Variants in SEMA3A observed in about 807,000 individuals in gnomAD.
SEMA3A encodes the protein semaphorin 3A.
SEMA3A carries 29 observed loss-of-function variants against 97.9 expected under a neutral mutation model. The observed-to-expected ratio is 0.30, with a 90% confidence interval of 0.22 to 0.40. SEMA3A has a LOEUF of 0.40. Among genes scored for constraint, SEMA3A ranks in the 10% least tolerant of loss-of-function variants. The pLI, the probability that SEMA3A is intolerant of heterozygous loss-of-function variation, is 1.00. For synonymous variants in SEMA3A, 321 were observed against 323.7 expected (o/e 0.99, Z 0.09); for missense variants, 763 against 951.3 (o/e 0.80, Z 2.60).
chr7:84,067,079 G>C (rs1793536110), intron 4 of SEMA3A, among the ~76,000 whole-genome samples: 1 of 152,142 alleles, frequency 6.6e-6, no homozygotes, highest in African/African-American at 2.4e-5. Context: ...CAGAGATATA[G>C]ATCAACGGAA....
intron 3 of SEMA3A, among the ~76,000 whole-genome samples, chr7:84,125,299 A>T (rs993667060): frequency 2.0e-5 from 3 of 152,180 alleles, no homozygotes; most frequent in African/African-American, 7.2e-5. Context: ...CAGAATCTTT[A>T]TTACAAGGTG....
chr7:84,303,089 G>A (rs566584304), intron 3 of SEMA3A, among the ~76,000 whole-genome samples: 5 of 152,142 alleles, frequency 3.3e-5, no homozygotes, highest in Non-Finnish European at 7.4e-5. Flanking sequence ...TTTTCAAAGA[G>A]GTAGGTGACA....
chr7:84,019,296 G>A (rs1340737406), intron 6 of SEMA3A, among the ~76,000 whole-genome samples: 2 of 151,492 alleles, frequency 1.3e-5, no homozygotes, highest in Non-Finnish European at 2.9e-5. Flanking sequence ...CAAAGGACAT[G>A]AATAAAAAAG....
chr7:84,442,195 A>G (rs1805289097), intron 1 of SEMA3A, among the ~76,000 whole-genome samples: 1 of 152,178 alleles, frequency 6.6e-6, no homozygotes, highest in South Asian at 2.1e-4. Flanking sequence ...GCCTAAAACT[A>G]ATGTCATTGT....
chr7:84,382,196 C>T (rs1803278568), intron 1 of SEMA3A, among the ~76,000 whole-genome samples: 1 of 152,042 alleles, frequency 6.6e-6, no homozygotes, highest in South Asian at 2.1e-4. Flanking sequence ...CAAACTCTGC[C>T]TCCTGGGTTC....
chr7:84,205,361 T>C (rs1277137448), intron 3 of SEMA3A, among the ~76,000 whole-genome samples: 1 of 152,346 alleles, frequency 6.6e-6, no homozygotes, highest in South Asian at 2.1e-4. Flanking sequence ...ATTTTTACTA[T>C]AATAGTTTCA....
chr7:84,138,962 C>T (rs972615133), intron 1 of SEMA3A, among the ~76,000 whole-genome samples: 1 of 151,948 alleles, frequency 6.6e-6, no homozygotes, highest in Admixed American at 6.6e-5. Flanking sequence ...CTTCAGTATT[C>T]TGTTTTCCTT....
At chr7:84,049,146 C>T (rs1020832570) in intron 5 of SEMA3A, among the ~76,000 whole-genome samples, 1 of 152,026 alleles carries the variant, frequency 6.6e-6, no homozygotes, top group Non-Finnish European at 1.5e-5. Context: ...GACTTATAAA[C>T]CAAAATAAGT....
intron 1 of SEMA3A, among the ~76,000 whole-genome samples, chr7:84,148,708 C>G (rs1346438660): frequency 6.6e-6 from 1 of 152,164 alleles, no homozygotes; most frequent in Non-Finnish European, 1.5e-5. Flanking sequence ...TCTACCTCTG[C>G]CACCCCTAAC....
chr7:84,207,041 A>C (rs1028256670), intron 3 of SEMA3A, among the ~76,000 whole-genome samples: 1 of 152,216 alleles, frequency 6.6e-6, no homozygotes, highest in African/African-American at 2.4e-5. Flanking sequence ...TTAAATCTCT[A>C]TACATACAGG....
intron 15 of SEMA3A, among the ~76,000 whole-genome samples, chr7:83,971,215 A>G (rs1159848933): frequency 1.3e-5 from 2 of 152,182 alleles, no homozygotes; most frequent in Non-Finnish European, 1.5e-5. Context: ...ACCTGAGGTC[A>G]GGAGTTCAAA....
intron 3 of SEMA3A, among the ~76,000 whole-genome samples, chr7:84,276,181 C>T (rs888297091): frequency 1.3e-5 from 2 of 152,054 alleles, no homozygotes; most frequent in Admixed American, 1.3e-4. Flanking sequence ...AGTGCCTATA[C>T]TGAACCAGGC....
intron 3 of SEMA3A, among the ~76,000 whole-genome samples, chr7:84,201,848 G>A (rs1798366390): frequency 6.6e-6 from 1 of 152,078 alleles, no homozygotes; most frequent in African/African-American, 2.4e-5. Flanking sequence ...GACAATGTGA[G>A]TATTCCCTTG....
At chr7:84,092,060 A>G (rs1794619881) in intron 4 of SEMA3A, among the ~76,000 whole-genome samples, 1 of 152,170 alleles carries the variant, frequency 6.6e-6, no homozygotes. Flanking sequence ...GTATTAATGA[A>G]TTAATGTTAT....
chr7:84,079,884 C>G (rs1794089788), intron 4 of SEMA3A, among the ~76,000 whole-genome samples: 1 of 147,274 alleles, frequency 6.8e-6, no homozygotes. Flanking sequence ...AATTATGCTG[C>G]TATAAAGACA....
intron 1 of SEMA3A, among the ~76,000 whole-genome samples, chr7:84,489,895 C>G (rs548692508): frequency 1.3e-5 from 2 of 151,922 alleles, no homozygotes; most frequent in South Asian, 2.1e-4. Context: ...GTTGATATAT[C>G]CTGGGTCTTC....
At chr7:84,266,574 A>G (rs1419947823) in intron 3 of SEMA3A, among the ~76,000 whole-genome samples, 3 of 152,108 alleles carry the variant, frequency 2.0e-5, no homozygotes, top group Admixed American at 1.3e-4. Context: ...AAGGTGTACT[A>G]CTTAAAACTG....
At chr7:84,459,249 A>T (rs1405988922) in intron 1 of SEMA3A, among the ~76,000 whole-genome samples, 1 of 152,182 alleles carries the variant, frequency 6.6e-6, no homozygotes, top group Non-Finnish European at 1.5e-5. Context: ...TCATATTTCT[A>T]AACACTTTCT....
chr7:84,463,033 C>T (rs961460923), intron 1 of SEMA3A, among the ~76,000 whole-genome samples: 24 of 151,808 alleles, frequency 1.6e-4, no homozygotes, highest in Admixed American at 1.3e-3. Context: ...TTCTCATTAC[C>T]GTAGTCTCTA....
Sources: allele counts gnomAD v4.1 joint callset (sites outside exome capture counted in the v4.1 genomes callset), GRCh38; gene constraint gnomAD v4.1.1; transcripts MANE v1.5; gene names NCBI Gene and HGNC (gene_info 2026-07-23, HGNC 2026-07-21).